The following FHAD1 variants were observed in gnomAD, a reference collection of about 807,000 sequenced individuals.
The protein encoded by FHAD1 is forkhead associated phosphopeptide binding domain 1.
FHAD1 carries 146 observed loss-of-function variants against 191.3 expected under a neutral mutation model. The observed-to-expected ratio is 0.76, with a 90% CI of 0.67 to 0.88. The LOEUF is 0.88. FHAD1 is among the 40% of genes least tolerant of loss of function. The probability of loss-of-function intolerance (pLI) is 0.00; values close to 1 mark genes in which losing one functional copy is unlikely to be tolerated. For missense variants in FHAD1, 1,635 were observed against 1,785.8 expected (o/e 0.92, Z 1.52); for synonymous variants, 616 against 672.3 (o/e 0.92, Z 1.29).
chr1:15,329,239 C>A lies in FHAD1; in HGVS notation c.1711-107C>A. ...TCCTCCCAAGGCGGCCAATACGTGG[C>A]GCTGCCTGCTTCGTGGCAGAGTCAA... On this transcript the variant is annotated intron_variant, in intron 13 of 33. Transcript: ENST00000688493. This position sits in a 1 kb window ranked among gnomAD's most constrained non-coding sequence, Gnocchi z 5.0. 1.1e-6 allele frequency: 1 copy of A among 915,948 alleles called. No homozygotes were observed. Among genetic ancestry groups the A allele is most frequent in the Non-Finnish European group, 1.6e-6 (1 of 634,656 alleles). 56.7% of individuals were successfully genotyped at this position (915,948 alleles called of 1,614,324 possible). A position where few individuals can be genotyped will look rare whatever the true frequency, so the allele number is the denominator to read the frequency against.
chr1:15,306,747 G>A (rs890594447), intron 6 of FHAD1, among the ~76,000 whole-genome samples: 1 of 152,272 alleles, frequency 6.6e-6, no homozygotes, highest in African/African-American at 2.4e-5. Flanking sequence ...CAAGAATTGA[G>A]GTTTGGGAAC....
At chr1:15,354,108 G>A (rs993134532) in intron 20 of FHAD1, among the ~76,000 whole-genome samples, 2 of 152,184 alleles carry the variant, frequency 1.3e-5, no homozygotes, top group African/African-American at 4.8e-5. Context: ...GACTAAAAAG[G>A]TCTCTATTCA....
In FHAD1 at chr1:15,329,705, A is replaced by T. The variant is rs78842276; in HGVS notation, c.1906+164A>T. The T allele has an allele frequency of 5.9e-6, 2 of 338,214 alleles. No homozygotes were observed. The highest frequency in any genetic ancestry group is 1.0e-5 in the Non-Finnish European group (2 of 192,838). 21.0% of individuals were successfully genotyped at this position (338,214 alleles called of 1,614,324 possible). A position where few individuals can be genotyped will look rare whatever the true frequency, so the allele number is the denominator to read the frequency against. Reference sequence around the variant, plus strand: ...TCTGCTTGAGGCGTAATTTTCCATTAAAAAAAAAAACACACACATACAAGT... The same window carrying T: ...TCTGCTTGAGGCGTAATTTTCCATTTAAAAAAAAAACACACACATACAAGT... On this transcript the variant is annotated intron_variant, in intron 14 of 33. Coordinates refer to ENST00000688493, the MANE Select transcript of FHAD1 (RefSeq NM_001391957.1). The surrounding 1 kb of genome is among the most constrained non-coding windows in gnomAD (Gnocchi z 5.0).
intron 28 of FHAD1, among the ~76,000 whole-genome samples, chr1:15,376,078 TTTTTTTA>T (rs1699541343): frequency 2.2e-5 from 3 of 134,748 alleles, no homozygotes; most frequent in African/African-American, 8.6e-5. Flanking sequence ...TATTTATTTA[TTTTTTTA>T]TTTATTTTTT....
At chr1:15,288,263 C>G (rs1337907656) in intron 3 of FHAD1, among the ~76,000 whole-genome samples, 2 of 152,220 alleles carry the variant, frequency 1.3e-5, no homozygotes, top group African/African-American at 4.8e-5. Context: ...TAGTGCTCAT[C>G]AGTGCCACCT....
intron 3 of FHAD1, among the ~76,000 whole-genome samples, chr1:15,283,241 C>G (rs184499225): frequency 1.5e-4 from 23 of 152,292 alleles, no homozygotes; most frequent in South Asian, 1.5e-3. Flanking sequence ...GTGGGCGTGT[C>G]TTATGAAAAG....
chr1:15,383,602 C>G (rs913254885), intron 31 of FHAD1: 3 of 306,634 alleles, frequency 9.8e-6, no homozygotes, highest in East Asian at 7.9e-5. Context: ...CTAAATAGAG[C>G]CAGACTCTCC....
At chr1:15,352,837 T>C in intron 19 of FHAD1, 40 bp from the exon 20 acceptor site, 1 of 1,450,616 alleles carries the variant, frequency 6.9e-7, no homozygotes, top group South Asian at 1.2e-5. Context: ...CATTTCCCTT[T>C]GAGGGCACAG....
At chr1:15,362,508 C>T (rs1183865752) in intron 22 of FHAD1, 134 bp from the exon 23 acceptor site, 8 of 692,662 alleles carry the variant, frequency 1.2e-5, no homozygotes, top group East Asian at 5.4e-5. Flanking sequence ...ACATGGCACA[C>T]GTGCAGGTCT....
In FHAD1 at chr1:15,296,363, C is replaced by T. The variant is rs368366386; in HGVS notation, c.569-321C>T. Among the ~76,000 whole-genome samples, 69 of 151,762 alleles carry T rather than the reference C, an allele frequency of 4.5e-4. No individual in the cohort carries two copies. In the East Asian group the frequency reaches 7.2e-3, roughly 16 times the overall value. ...CCGCCTCCCAGGTTCACGCCATTCT[C>T]CTGCCTCAGCCTCCCGAGTAGCTGG... On this transcript the variant is annotated intron_variant, in intron 4 of 33. Transcript: ENST00000688493.
At chr1:15,284,684 A>G (rs1054533889) in intron 3 of FHAD1, among the ~76,000 whole-genome samples, 5 of 152,126 alleles carry the variant, frequency 3.3e-5, no homozygotes, top group African/African-American at 7.2e-5. Flanking sequence ...TGTTAGCGTA[A>G]TAACACAAGA....
chr1:15,386,828 T>C (rs915437303), intron 31 of FHAD1, among the ~76,000 whole-genome samples: 3 of 150,572 alleles, frequency 2.0e-5, no homozygotes, highest in Non-Finnish European at 4.4e-5. Context: ...TTTTCTCTTT[T>C]TCTTTTTTTT....
intron 20 of FHAD1, among the ~76,000 whole-genome samples, chr1:15,353,820 TA>T (rs1175027407): frequency 6.6e-6 from 1 of 150,428 alleles, no homozygotes; most frequent in Non-Finnish European, 1.5e-5. Context: ...TTTGTCATCA[TA>T]ATTGTCATCA....
intron 33 of FHAD1, among the ~76,000 whole-genome samples, chr1:15,395,689 T>C (rs1345985067): frequency 6.6e-6 from 1 of 152,206 alleles, no homozygotes; most frequent in Non-Finnish European, 1.5e-5. Flanking sequence ...CCCTTAAATA[T>C]ACTTCACTTT....
intron 1 of FHAD1, among the ~76,000 whole-genome samples, chr1:15,248,294 G>C (rs1646345811): frequency 6.6e-6 from 1 of 152,160 alleles, no homozygotes; most frequent in African/African-American, 2.4e-5. Context: ...CTACTTGCAA[G>C]CTAAGTTAGC....
intron 20 of FHAD1, among the ~76,000 whole-genome samples, chr1:15,355,954 G>GA (rs1210471069): frequency 7.9e-6 from 1 of 126,426 alleles, no homozygotes; most frequent in African/African-American, 3.3e-5. Flanking sequence ...AAAAAAAACA[G>GA]AAAATCACTC....
intron 3 of FHAD1, among the ~76,000 whole-genome samples, chr1:15,282,134 C>T (rs1352094388): frequency 6.6e-6 from 1 of 152,132 alleles, no homozygotes; most frequent in African/African-American, 2.4e-5. Flanking sequence ...TTCTCCCTGC[C>T]CCAGCCCCAG....
intron 23 of FHAD1, among the ~76,000 whole-genome samples, chr1:15,365,050 A>G (rs1324025732): frequency 6.6e-6 from 1 of 152,196 alleles, no homozygotes; most frequent in Non-Finnish European, 1.5e-5. Flanking sequence ...TCCCAGAAGA[A>G]CACCATTCAT....
intron 21 of FHAD1, 102 bp downstream of exon 21, chr1:15,358,385 C>T (rs1455171456): frequency 8.5e-7 from 1 of 1,175,628 alleles, no homozygotes; most frequent in Middle Eastern, 2.0e-4. Context: ...AGCCTCAGCA[C>T]TGCTGATGTT....
Sources: gnomAD v4.1 joint callset for allele counts (sites outside exome capture counted in the v4.1 genomes callset) on GRCh38, gnomAD v4.1.1 for gene constraint, Gnocchi (gnomAD v3.1) non-coding constraint, MANE v1.5 for transcripts, NCBI Gene and HGNC (gene_info 2026-07-23, HGNC 2026-07-21) for gene names.